The following WDR64 variants were observed in gnomAD, a reference collection of about 807,000 sequenced individuals.
The protein encoded by WDR64 is WD repeat-containing protein 64.
A neutral mutation model predicts 139.3 loss-of-function variants in WDR64; 112 were observed. That is an observed-to-expected ratio of 0.80 (90% CI 0.69 to 0.94). WDR64 has a LOEUF of 0.94. Ranked by LOEUF, WDR64 falls within the 40% of genes least tolerant of loss-of-function variation. The pLI is 0.00. For missense variants in WDR64, 1,206 were observed against 1,293.1 expected (o/e 0.93, Z 1.03); for synonymous variants, 444 against 437.7 (o/e 1.01, Z -0.18).
In WDR64 at chr1:241,801,493, G is replaced by A. The variant is rs1270464916; in HGVS notation, c.*278G>A. ...CAAATGAAATCAACAGCATTAGTAG[G>A]TCTAAAATAATATGGTTATCAATGT... On this transcript the variant is annotated 3_prime_UTR_variant, in exon 28 of 28. Transcript: ENST00000437684. The A allele has an allele frequency of 4.5e-6, 2 of 449,406 alleles. No individual in the cohort carries two copies. The highest frequency in any genetic ancestry group is 3.9e-6 in the Non-Finnish European group (1 of 254,354). 27.8% of individuals were successfully genotyped at this position (449,406 alleles called of 1,614,324 possible). A position where few individuals can be genotyped will look rare whatever the true frequency, so the allele number is the denominator to read the frequency against.
At chr1:241,673,129 C>T (rs552349682) in intron 3 of WDR64, among the ~76,000 whole-genome samples, 141 of 149,122 alleles carry the variant, frequency 9.5e-4, no homozygotes, top group African/African-American at 3.5e-3. Context: ...TAGGTGGGAA[C>T]TGAACAATGA....
intron 7 of WDR64, among the ~76,000 whole-genome samples, chr1:241,686,678 C>T (rs950903555): frequency 6.6e-6 from 1 of 152,182 alleles, no homozygotes; most frequent in Non-Finnish European, 1.5e-5. Flanking sequence ...GTTTTGTGAA[C>T]TGATGGCCAA....
chr1:241,787,756 C>T, intron 23 of WDR64, 93 bp from the exon 24 acceptor site: 2 of 1,073,586 alleles, frequency 1.9e-6, no homozygotes, highest in Non-Finnish European at 2.6e-6. Context: ...CCTTGATGGA[C>T]CAGCGCTAAT....
chr1:241,745,095 A>T (rs1424085565), intron 13 of WDR64, among the ~76,000 whole-genome samples: 1 of 152,194 alleles, frequency 6.6e-6, no homozygotes, highest in African/African-American at 2.4e-5. Flanking sequence ...CCAGGAACTG[A>T]AGAGCTACAG....
At chr1:241,700,785 G>C (rs1667682284) in intron 8 of WDR64, among the ~76,000 whole-genome samples, 1 of 152,202 alleles carries the variant, frequency 6.6e-6, no homozygotes, top group Non-Finnish European at 1.5e-5. Context: ...AATAAGCTGA[G>C]ATGGTGAAGG....
At chr1:241,721,477 G>A (rs1466814723) in intron 9 of WDR64, among the ~76,000 whole-genome samples, 1 of 152,036 alleles carries the variant, frequency 6.6e-6, no homozygotes, top group Non-Finnish European at 1.5e-5. Context: ...TTGGTAATAT[G>A]TAAGGTGCTT....
Position 241,755,603 on chromosome 1 carries a change from C to T in WDR64, c.1771-1680C>T, listed in dbSNP as rs1416398338. ...TCAATTTTGGCTTTTGTTGCCATTG[C>T]TTTTGGTGTTTTAGTCATGAAGTCT... On this transcript the variant is annotated intron_variant, in intron 14 of 27. Transcript: ENST00000437684. 5.3e-5 allele frequency among the ~76,000 whole-genome samples: 8 copies of T among 152,126 alleles called. No individual in the cohort carries two copies. In the East Asian group the frequency reaches 1.5e-3, roughly 29 times the overall value.
intron 21 of WDR64, among the ~76,000 whole-genome samples, chr1:241,777,105 AAAG>A (rs1254739904): frequency 2.0e-5 from 3 of 152,228 alleles, no homozygotes; most frequent in South Asian, 2.1e-4. Flanking sequence ...CTTTAGAAAG[AAAG>A]AAGAGAGACA....
intron 10 of WDR64, among the ~76,000 whole-genome samples, chr1:241,725,147 G>A (rs1668752625): frequency 6.6e-6 from 1 of 152,100 alleles, no homozygotes; most frequent in Non-Finnish European, 1.5e-5. Flanking sequence ...GAAGGGCAAA[G>A]GTTTAAGAAC....
chr1:241,746,315 T>C (rs954812384), intron 13 of WDR64, among the ~76,000 whole-genome samples: 2 of 152,154 alleles, frequency 1.3e-5, no homozygotes, highest in Non-Finnish European at 2.9e-5. Flanking sequence ...AGTCTGAATC[T>C]GAGGTGACCA....
At chr1:241,658,254 G>A (rs56298840) in intron 1 of WDR64, among the ~76,000 whole-genome samples, 5,661 of 150,568 alleles carry the variant, frequency 0.038, 174 homozygotes, top group South Asian at 0.11. Context: ...AGGGAATTAC[G>A]AAATTTGACA....
At chr1:241,669,147 A>C (rs1240438007) in intron 2 of WDR64, among the ~76,000 whole-genome samples, 1 of 152,182 alleles carries the variant, frequency 6.6e-6, no homozygotes, top group Non-Finnish European at 1.5e-5. Flanking sequence ...AACAAAATTC[A>C]AAGGTTTGTT....
chr1:241,660,408 T>A (rs1019618001), intron 1 of WDR64, 122 bp from the exon 2 acceptor site: 1 of 1,260,936 alleles, frequency 7.9e-7, no homozygotes, highest in African/African-American at 1.5e-5. Context: ...AAAATGCAAA[T>A]ATATCTGGTT....
chr1:241,681,342 G>A (rs966491641), intron 6 of WDR64, among the ~76,000 whole-genome samples: 1 of 152,134 alleles, frequency 6.6e-6, no homozygotes, highest in African/African-American at 2.4e-5. Flanking sequence ...TCAAAGCTTA[G>A]CTCCCTCTTA....
intron 6 of WDR64, among the ~76,000 whole-genome samples, chr1:241,681,145 G>T (rs1462384629): frequency 6.6e-6 from 1 of 151,648 alleles, no homozygotes; most frequent in African/African-American, 2.4e-5. Context: ...CCATAGGTTT[G>T]GGGGGAACAG....
chr1:241,784,953 G>GGATT (rs766802128), intron 23 of WDR64, among the ~76,000 whole-genome samples: 1 of 62,250 alleles, frequency 1.6e-5, no homozygotes, highest in Non-Finnish European at 3.1e-5. Context: ...GACTCTGTCT[G>GGATT]AAAAAAAAAA....
intron 1 of WDR64, among the ~76,000 whole-genome samples, 186 bp from the exon 2 acceptor site, chr1:241,660,344 T>C (rs1665775088): frequency 6.6e-6 from 1 of 152,210 alleles, no homozygotes; most frequent in Admixed American, 6.5e-5. Flanking sequence ...TCAGGTAGTG[T>C]GATGCCTCCA....
Position 241,661,109 on chromosome 1 carries a change from T to C in WDR64, c.276+449T>C, listed in dbSNP as rs149563448. Among the ~76,000 whole-genome samples, 164 of 152,140 alleles carry C rather than the reference T, an allele frequency of 1.1e-3. 1 individual carries two copies. Among genetic ancestry groups the C allele is most frequent in the East Asian group, 5.4e-3 (28 of 5,188 alleles). Reference sequence around the variant, plus strand: ...ACCATGGTATTTATTCTTAAAAAAATTACACATATCCATACAGAGAAATTA... The same window carrying C: ...ACCATGGTATTTATTCTTAAAAAAACTACACATATCCATACAGAGAAATTA... On this transcript the variant is annotated intron_variant, in intron 2 of 27. Transcript: ENST00000437684.
At chr1:241,753,941 T>C (rs78922237) in intron 14 of WDR64, among the ~76,000 whole-genome samples, 3,168 of 152,008 alleles carry the variant, frequency 0.021, 111 homozygotes, top group African/African-American at 0.073. Flanking sequence ...TAAAAGCTTG[T>C]CTAAAAAAAC....
Sources: gnomAD v4.1 joint callset for allele counts (sites outside exome capture counted in the v4.1 genomes callset) on GRCh38, gnomAD v4.1.1 for gene constraint, MANE v1.5 for transcripts, NCBI Gene and HGNC (gene_info 2026-07-23, HGNC 2026-07-21) for gene names.